The following ACSM1 variants were observed in gnomAD, a reference collection of about 807,000 sequenced individuals.
ACSM1 encodes the protein acyl-coenzyme A synthetase ACSM1, mitochondrial.
ACSM1 carries 79 observed loss-of-function variants against 75.8 expected under a neutral mutation model. That is an observed-to-expected ratio of 1.04 (90% confidence interval 0.87 to 1.26). ACSM1 has a LOEUF of 1.26. Among genes scored for constraint, ACSM1 ranks in the 50% most tolerant of loss-of-function variants. The probability of loss-of-function intolerance (pLI) is 0.00; values close to 1 mark genes in which losing one functional copy is unlikely to be tolerated. For missense variants in ACSM1, 676 were observed against 720.1 expected, an observed-to-expected ratio of 0.94 and a Z score of 0.70; for synonymous variants, 279 against 265.8, an observed-to-expected ratio of 1.05 and a Z score of -0.48.
chr16:20,668,860 G>A (rs1435976587), intron 6 of ACSM1, among the ~76,000 whole-genome samples: 1 of 152,160 alleles, frequency 6.6e-6, no homozygotes, highest in Non-Finnish European at 1.5e-5. Flanking sequence ...AGGCATTTTA[G>A]GATAAGTACA....
intron 3 of ACSM1, 30 bp downstream of exon 3, chr16:20,685,163 G>A (rs778996378): frequency 1.2e-4 from 196 of 1,612,532 alleles, no homozygotes; most frequent in Admixed American, 4.0e-4. Context: ...ACAGCCCCGA[G>A]GTCCACCAGG....
rs1415066689 is a variant in ACSM1, at chr16:20,648,299, TCTCTCTTAAC to T, written c.993-7725_993-7716del. Reference sequence around the variant, plus strand: ...TGCTAGCTAATATTCTTCTTTTCTCTCTCTCTTAACCTTTCTTGCCACTCAACCTGATTTA... The same window carrying T: ...TGCTAGCTAATATTCTTCTTTTCTCTCTTTCTTGCCACTCAACCTGATTTA... On this transcript the variant is annotated intron_variant, in intron 7 of 13. Coordinates refer to ENST00000520010, the MANE Select transcript of ACSM1 (RefSeq NM_001318890.3). This position sits in a 1 kb window ranked among gnomAD's most constrained non-coding sequence, Gnocchi z 4.2. Among the ~76,000 whole-genome samples the T allele has an allele frequency of 6.6e-6, 1 of 152,222 alleles. No homozygotes were observed. Among genetic ancestry groups the T allele is most frequent in the Non-Finnish European group, 1.5e-5 (1 of 68,042 alleles).
Position 20,640,589 on chromosome 16 carries a change from G to C in ACSM1, c.993-5C>G. The C allele has an allele frequency of 6.2e-7, 1 of 1,614,120 alleles. No homozygotes were observed. The highest frequency in any genetic ancestry group is 8.5e-7 in the Non-Finnish European group (1 of 1,179,966). Reference sequence around the variant, plus strand: ...TCCAGGGCAGGGAACCTGATGCTTAGAGGAAGACAAGGTGCCAGGCATTGG... The same window carrying C: ...TCCAGGGCAGGGAACCTGATGCTTACAGGAAGACAAGGTGCCAGGCATTGG... On this transcript the variant is annotated splice_region_variant and splice_polypyrimidine_tract_variant and intron_variant, in intron 7 of 13. Transcript: ENST00000520010.
intron 2 of ACSM1, among the ~76,000 whole-genome samples, chr16:20,686,914 T>C (rs1290236052): frequency 6.6e-6 from 1 of 151,770 alleles, no homozygotes; most frequent in Non-Finnish European, 1.5e-5. Flanking sequence ...TAAATACGTA[T>C]GATTAAAAAT....
chr16:20,645,131 A>G lies in ACSM1; in HGVS notation c.993-4547T>C, dbSNP rs116989973. Reference sequence around the variant, plus strand: ...AAAGGCAATGTTGGGTAAGCTGGTAAAGGACCACTAGAATCCAGCAGCCCA... The same window carrying G: ...AAAGGCAATGTTGGGTAAGCTGGTAGAGGACCACTAGAATCCAGCAGCCCA... On this transcript the variant is annotated intron_variant, in intron 7 of 13. Coordinates refer to ENST00000520010, the MANE Select transcript of ACSM1 (RefSeq NM_001318890.3). Among the ~76,000 whole-genome samples, 425 of 152,298 alleles carry G rather than the reference A, an allele frequency of 2.8e-3. 14 individuals carry two copies. The East Asian group carries it at 0.069, about 25-fold the overall frequency.
At chr16:20,671,795 G>A in intron 4 of ACSM1, 124 bp from the exon 5 acceptor site, 1 of 1,107,896 alleles carries the variant, frequency 9.0e-7, no homozygotes, top group Non-Finnish European at 1.2e-6. Flanking sequence ...GAGGAAAACT[G>A]GCTCTCCCGG....
At chr16:20,686,502 G>A (rs1215279420) in intron 2 of ACSM1, among the ~76,000 whole-genome samples, 1 of 152,122 alleles carries the variant, frequency 6.6e-6, no homozygotes, top group Non-Finnish European at 1.5e-5. Flanking sequence ...GAGAGCATTA[G>A]GACAAATAGC....
intron 4 of ACSM1, among the ~76,000 whole-genome samples, chr16:20,677,999 A>C (rs1384541961): frequency 1.7e-5 from 2 of 115,856 alleles, no homozygotes; most frequent in Admixed American, 8.1e-5. Flanking sequence ...TAAAGGAAGA[A>C]TACTAAAGGC....
At chr16:20,690,614 T>G (rs893176159) in intron 2 of ACSM1, among the ~76,000 whole-genome samples, 1 of 152,106 alleles carries the variant, frequency 6.6e-6, no homozygotes, top group Non-Finnish European at 1.5e-5. Flanking sequence ...AAGCCCAAGT[T>G]TGATGACATG....
In ACSM1 at chr16:20,691,034, G is replaced by A. The variant is rs763086324; in HGVS notation, c.155C>T (p.Ala52Val). 5 of 1,613,440 alleles carry A rather than the reference G, an allele frequency of 3.1e-6. No individual in the cohort carries two copies. Among genetic ancestry groups the A allele is most frequent in the Non-Finnish European group, 4.2e-6 (5 of 1,179,784 alleles). Residue 52 changes from alanine to valine, a missense_variant, in exon 2 of 14, where the codon GCA becomes GTA. Coordinates refer to ENST00000520010, the MANE Select transcript of ACSM1 (RefSeq NM_001318890.3). The part of the protein sequence containing the change: ...DYEVPEEFNF[A>V]SYVLDYWAQK... ...AGCCCAGTAGTCCAGTACATAACTT[G>A]CAAAGTTAAATTCCTCCGGTACTTC... is the stretch of plus-strand genomic sequence containing the variant.
chr16:20,657,673 T>C (rs2019053828), intron 7 of ACSM1, among the ~76,000 whole-genome samples: 1 of 152,146 alleles, frequency 6.6e-6, no homozygotes, highest in Non-Finnish European at 1.5e-5. Flanking sequence ...TTGTTACATA[T>C]GGATACATGT....
intron 6 of ACSM1, among the ~76,000 whole-genome samples, chr16:20,666,916 C>T (rs1333741787): frequency 6.6e-6 from 1 of 152,112 alleles, no homozygotes; most frequent in East Asian, 1.9e-4. Flanking sequence ...AACCTGGGCT[C>T]CTACCTTTCG....
intron 1 of ACSM1, among the ~76,000 whole-genome samples, chr16:20,692,332 T>C (rs909910993): frequency 2.0e-5 from 3 of 152,164 alleles, no homozygotes; most frequent in Non-Finnish European, 2.9e-5. Context: ...ATTTAAGAAC[T>C]GTGTTGGCTT....
intron 4 of ACSM1, chr16:20,679,626 G>C (rs796890666): frequency 6.6e-6 from 1 of 152,164 alleles, no homozygotes; most frequent in Non-Finnish European, 1.5e-5. Flanking sequence ...TAGAAGGGGA[G>C]AAATCTCTAG....
intron 7 of ACSM1, among the ~76,000 whole-genome samples, chr16:20,660,812 G>C (rs1023541602): frequency 6.6e-6 from 1 of 152,152 alleles, no homozygotes. Context: ...GTTTCAAAGA[G>C]TGTGTTTTGG....
chr16:20,663,332 C>T (rs1333109418), intron 6 of ACSM1, among the ~76,000 whole-genome samples: 1 of 152,160 alleles, frequency 6.6e-6, no homozygotes, highest in Non-Finnish European at 1.5e-5. Context: ...CTCTTTACCC[C>T]CACATCCGCA....
At chr16:20,671,318 C>T (rs886399501) in intron 5 of ACSM1, among the ~76,000 whole-genome samples, 1 of 152,002 alleles carries the variant, frequency 6.6e-6, no homozygotes, top group Non-Finnish European at 1.5e-5. Context: ...CACTCTCAGG[C>T]CTCTGTCAGC....
At chr16:20,684,400 A>G (rs1477830382) in intron 3 of ACSM1, among the ~76,000 whole-genome samples, 1 of 152,230 alleles carries the variant, frequency 6.6e-6, no homozygotes, top group Non-Finnish European at 1.5e-5. Context: ...TGTGAAAACC[A>G]CCTTGCTTAA....
intron 7 of ACSM1, among the ~76,000 whole-genome samples, chr16:20,657,855 G>T (rs922088238): frequency 2.0e-5 from 3 of 151,526 alleles, no homozygotes; most frequent in Non-Finnish European, 4.4e-5. Context: ...AGAACATGCA[G>T]TGTTTGGTTT....
Sources: allele counts gnomAD v4.1 joint callset (sites outside exome capture counted in the v4.1 genomes callset), GRCh38; gene constraint gnomAD v4.1.1; non-coding constraint Gnocchi (gnomAD v3.1); transcripts MANE v1.5; gene names NCBI Gene and HGNC (gene_info 2026-07-23, HGNC 2026-07-21).